Variants in STXBP5L observed in about 807,000 individuals in gnomAD.
STXBP5L encodes the protein syntaxin binding protein 5L, also known as syntaxin-binding protein 5-like.
A neutral mutation model predicts 144.5 loss-of-function variants in STXBP5L; 65 were observed. That is an observed-to-expected ratio of 0.45 (90% CI 0.37 to 0.55). The LOEUF is 0.55. Among genes scored for constraint, STXBP5L ranks in the 20% least tolerant of loss-of-function variants. The pLI, the probability that STXBP5L is intolerant of heterozygous loss-of-function variation, is 0.00. For missense variants in STXBP5L, 1,298 were observed against 1,405.5 expected (o/e 0.92, Z 1.22); for synonymous variants, 505 against 469.6 (o/e 1.08, Z -0.97).
intron 9 of STXBP5L, among the ~76,000 whole-genome samples, chr3:121,161,386 G>C (rs908571020): frequency 6.6e-6 from 1 of 151,818 alleles, no homozygotes; most frequent in Non-Finnish European, 1.5e-5. Flanking sequence ...TCTGAATGAG[G>C]AATCTGTAGT....
chr3:121,044,803 A>C (rs565699460), intron 4 of STXBP5L, among the ~76,000 whole-genome samples: 1 of 152,268 alleles, frequency 6.6e-6, no homozygotes. Context: ...AATAGGATTC[A>C]TTTGTATTTG....
chr3:121,081,254 C>T (rs1322695043), intron 5 of STXBP5L, among the ~76,000 whole-genome samples: 2 of 151,966 alleles, frequency 1.3e-5, no homozygotes, highest in African/African-American at 2.4e-5. Context: ...TATCCATATC[C>T]TGTATTTTTA....
At chr3:121,175,555 C>A (rs1369930664) in intron 9 of STXBP5L, among the ~76,000 whole-genome samples, 1 of 151,708 alleles carries the variant, frequency 6.6e-6, no homozygotes, top group African/African-American at 2.4e-5. Context: ...AACCCTGGGA[C>A]AATCACTAAA....
chr3:121,081,891 T>C (rs1421473753), intron 5 of STXBP5L, among the ~76,000 whole-genome samples: 1 of 152,234 alleles, frequency 6.6e-6, no homozygotes, highest in African/African-American at 2.4e-5. Flanking sequence ...CTCACAGCCT[T>C]ACTCTTGTCC....
At chr3:121,331,778 C>A (rs74757648) in intron 20 of STXBP5L, among the ~76,000 whole-genome samples, 18,311 of 152,218 alleles carry the variant, frequency 0.12, 1,156 homozygotes, top group Non-Finnish European at 0.14. Context: ...GAAGCCTGAA[C>A]ATTTCAACCC....
intron 19 of STXBP5L, among the ~76,000 whole-genome samples, chr3:121,287,946 T>C (rs1361912490): frequency 6.6e-6 from 1 of 152,244 alleles, no homozygotes; most frequent in Non-Finnish European, 1.5e-5. Flanking sequence ...TTTATTAAGA[T>C]GGCAGTTCAT....
At chr3:121,174,474 C>A (rs548748051) in intron 9 of STXBP5L, among the ~76,000 whole-genome samples, 8 of 152,030 alleles carry the variant, frequency 5.3e-5, no homozygotes, top group Non-Finnish European at 8.8e-5. Context: ...TAAGTTGGCC[C>A]ATGCAGTCTA....
chr3:121,162,421 A>C (rs1408030836), intron 9 of STXBP5L, among the ~76,000 whole-genome samples: 2 of 152,208 alleles, frequency 1.3e-5, no homozygotes, highest in Non-Finnish European at 2.9e-5. Context: ...AAATCAACTC[A>C]AGGTGGATTA....
At chr3:121,004,072 T>C (rs1944034729) in intron 3 of STXBP5L, among the ~76,000 whole-genome samples, 1 of 152,120 alleles carries the variant, frequency 6.6e-6, no homozygotes, top group Non-Finnish European at 1.5e-5. Flanking sequence ...AGTAGTTTTT[T>C]CCAATTCTGT....
At chr3:120,927,294 G>T (rs1232174695) in intron 2 of STXBP5L, among the ~76,000 whole-genome samples, 1 of 152,162 alleles carries the variant, frequency 6.6e-6, no homozygotes, top group Non-Finnish European at 1.5e-5. Context: ...CTGGCTAGGG[G>T]TTCATGCCCA....
At chr3:121,179,257 A>G (rs2047049005) in intron 9 of STXBP5L, among the ~76,000 whole-genome samples, 1 of 152,180 alleles carries the variant, frequency 6.6e-6, no homozygotes, top group African/African-American at 2.4e-5. Flanking sequence ...CACCAAGAAC[A>G]TAACTACAAT....
intron 9 of STXBP5L, among the ~76,000 whole-genome samples, chr3:121,189,653 C>A (rs1000037953): frequency 6.6e-6 from 1 of 152,128 alleles, no homozygotes; most frequent in East Asian, 1.9e-4. Flanking sequence ...AGTCAGGTAG[C>A]GTGATGCCTC....
chr3:121,326,127 A>G (rs1431579334), intron 20 of STXBP5L, among the ~76,000 whole-genome samples: 1 of 152,012 alleles, frequency 6.6e-6, no homozygotes, highest in African/African-American at 2.4e-5. Context: ...ATAGTCATGG[A>G]CTCATTAACA....
At chr3:121,381,231 T>A in intron 21 of STXBP5L, 62 bp from the exon 22 acceptor site, 4 of 1,464,244 alleles carry the variant, frequency 2.7e-6, no homozygotes, top group Non-Finnish European at 3.7e-6. Context: ...ATATATTAAA[T>A]CTGATGTTAT....
chr3:121,093,592 T>C (rs1376175804), intron 5 of STXBP5L, among the ~76,000 whole-genome samples: 1 of 152,234 alleles, frequency 6.6e-6, no homozygotes, highest in Non-Finnish European at 1.5e-5. Context: ...GATGGTAGTT[T>C]ATATTTCTGT....
At chr3:120,925,304 G>C (rs1576426967) in intron 2 of STXBP5L, 1 of 152,136 alleles carries the variant, frequency 6.6e-6, no homozygotes, top group Non-Finnish European at 1.5e-5. Flanking sequence ...TCTCTTTCTA[G>C]ATTTATTAAT....
chr3:121,098,472 T>C (rs764047118), intron 5 of STXBP5L, among the ~76,000 whole-genome samples: 85 of 152,282 alleles, frequency 5.6e-4, no homozygotes, highest in Admixed American at 1.2e-3. Context: ...GCTGTCCTCA[T>C]GATAATGAGT....
intron 18 of STXBP5L, among the ~76,000 whole-genome samples, chr3:121,274,881 G>C (rs1489478010): frequency 6.6e-6 from 1 of 152,176 alleles, no homozygotes; most frequent in East Asian, 1.9e-4. Context: ...GGTCACGACA[G>C]GGGCAGGATG....
In STXBP5L at chr3:121,152,578, A is replaced by G; in HGVS notation, c.753+18A>G. On this transcript the variant is annotated intron_variant, in intron 8 of 26. Transcript: ENST00000471454. Reference sequence around the variant, plus strand: ...ATGATGAGGTAAGTGATTTCTACCGACATGTTTGAAAGAGTATTGTGACGT... The same window carrying G: ...ATGATGAGGTAAGTGATTTCTACCGGCATGTTTGAAAGAGTATTGTGACGT... 6.5e-7 allele frequency: 1 copy of G among 1,549,478 alleles called. No homozygotes were observed. The highest frequency in any genetic ancestry group is 1.8e-5 in the Admixed American group (1 of 54,808).
Sources: allele counts gnomAD v4.1 joint callset (sites outside exome capture counted in the v4.1 genomes callset), GRCh38; gene constraint gnomAD v4.1.1; transcripts MANE v1.5; gene names NCBI Gene and HGNC (gene_info 2026-07-23, HGNC 2026-07-21).